WDR11: variants seen among roughly 807,000 people sequenced by gnomAD.
The protein encoded by WDR11 is WD repeat domain 11.
WDR11 carries 83 observed loss-of-function variants against 151.2 expected under a neutral mutation model. The observed-to-expected ratio is 0.55, with a 90% CI of 0.46 to 0.66. The LOEUF (loss-of-function observed/expected upper bound fraction) is 0.66. Among genes scored for constraint, WDR11 ranks in the 30% least tolerant of loss-of-function variants. The pLI is 0.00. For missense variants in WDR11, 1,301 were observed against 1,480.9 expected (o/e 0.88, Z 1.99); for synonymous variants, 484 against 533.1 (o/e 0.91, Z 1.27).
In WDR11 at chr10:120,908,094, T is replaced by TA. The variant is rs199852134; in HGVS notation, c.3518-453dup. 1.4e-3 allele frequency: 257 copies of TA among 180,770 alleles called. 3 individuals are homozygous for TA. The highest frequency in any genetic ancestry group is 5.0e-3 in the African/African-American group (208 of 41,568). 11.2% of individuals were successfully genotyped at this position (180,770 alleles called of 1,614,324 possible). A position where few individuals can be genotyped will look rare whatever the true frequency, so the allele number is the denominator to read the frequency against. Reference sequence around the variant, plus strand: ...GGCTGTTTAAAAAAATAAAAATAAATAAAAAAAAACCAATAGGACAGGGCT... The same window carrying TA: ...GGCTGTTTAAAAAAATAAAAATAAATAAAAAAAAAACCAATAGGACAGGGCT... On this transcript the variant is annotated intron_variant, in intron 28 of 28. Transcript: ENST00000263461.
At chr10:120,865,902 C>G (rs1846295330) in intron 7 of WDR11, among the ~76,000 whole-genome samples, 158 bp downstream of exon 7, 1 of 151,930 alleles carries the variant, frequency 6.6e-6, no homozygotes, top group Non-Finnish European at 1.5e-5. Context: ...AGTATAAGCC[C>G]AAGATTAATC....
chr10:120,860,343 A>G, intron 4 of WDR11, 61 bp downstream of exon 4: 7 of 1,556,328 alleles, frequency 4.5e-6, no homozygotes, highest in South Asian at 3.4e-5. Context: ...TAGTAATGCT[A>G]TGTGCATGAG....
Position 120,908,649 on chromosome 10 carries a change from G to C in WDR11, c.3611G>C (p.Gly1204Ala). ...QGAVLFASKA[G>A]AAGKDLLNEL... ...GCAGTTCTCTTTGCTTCAAAAGCCGGAGCAGCTGGCAAAGACTTATTGAAT... is the reference window on the plus strand; with the variant it reads ...GCAGTTCTCTTTGCTTCAAAAGCCGCAGCAGCTGGCAAAGACTTATTGAAT... Residue 1204 changes from glycine (G) to alanine (A), a missense_variant, in exon 29 of 29, where the codon GGA becomes GCA. Physicochemically the swap from Gly to Ala is moderately conservative, Grantham distance 60 (BLOSUM62 0). Transcript: ENST00000263461. The C allele has an allele frequency of 6.2e-7, 1 of 1,614,196 alleles. No individual in the cohort carries two copies.
At chr10:120,855,886 C>A (rs539509448) in intron 2 of WDR11, among the ~76,000 whole-genome samples, 1 of 152,288 alleles carries the variant, frequency 6.6e-6, no homozygotes, top group Admixed American at 6.5e-5. Context: ...ACCTCTACTA[C>A]AATGAATGGG....
intron 2 of WDR11, among the ~76,000 whole-genome samples, chr10:120,855,370 ATTGT>A (rs1446266272): frequency 6.6e-6 from 1 of 152,128 alleles, no homozygotes; most frequent in East Asian, 1.9e-4. Flanking sequence ...TAATTTATGA[ATTGT>A]TTATTTTTAG....
chr10:120,868,324 T>G (rs1339283481), intron 9 of WDR11, among the ~76,000 whole-genome samples: 1 of 151,984 alleles, frequency 6.6e-6, no homozygotes, highest in African/African-American at 2.4e-5. Context: ...TGCAGTGGCA[T>G]GTGCTTGTGG....
At chr10:120,905,529 A>G in intron 26 of WDR11, 113 bp downstream of exon 26, 2 of 1,096,724 alleles carry the variant, frequency 1.8e-6, no homozygotes, top group East Asian at 4.8e-5. Context: ...GCTGCTTTGC[A>G]AATACTGTCT....
At chr10:120,876,071 C>T (rs1424806981) in intron 11 of WDR11, among the ~76,000 whole-genome samples, 3 of 150,460 alleles carry the variant, frequency 2.0e-5, no homozygotes, top group Middle Eastern at 3.4e-3. Context: ...CTCTGTCTCC[C>T]GGGTTCAAGC....
chr10:120,878,558 T>A, intron 12 of WDR11, 99 bp downstream of exon 12: 1 of 957,070 alleles, frequency 1.0e-6, no homozygotes, highest in Non-Finnish European at 1.6e-6. Flanking sequence ...TGGAATTTTT[T>A]TTTATATTTC....
At chr10:120,868,617 T>C (rs977545678) in intron 9 of WDR11, 1 of 152,246 alleles carries the variant, frequency 6.6e-6, no homozygotes, top group African/African-American at 2.4e-5. Context: ...ATATGAGAAC[T>C]GAGGCCCAGA....
chr10:120,867,749 AGCACAGTAC>A (rs1192809706), intron 9 of WDR11, among the ~76,000 whole-genome samples: 1 of 152,216 alleles, frequency 6.6e-6, no homozygotes, highest in African/African-American at 2.4e-5. Context: ...CCCAGCACTC[AGCACAGTAC>A]CTTGTGCATG....
At chr10:120,860,347 G>T (rs1590058354) in intron 4 of WDR11, 65 bp downstream of exon 4, 1 of 1,538,814 alleles carries the variant, frequency 6.5e-7, no homozygotes, top group East Asian at 2.3e-5. Flanking sequence ...AATGCTATGT[G>T]CATGAGATAT....
chr10:120,858,171 A>G (rs1319941356), intron 2 of WDR11, among the ~76,000 whole-genome samples: 3 of 152,072 alleles, frequency 2.0e-5, no homozygotes, highest in African/African-American at 7.2e-5. Flanking sequence ...TGTTTTGTGA[A>G]AGAGAGAGAC....
At chr10:120,879,756 G>A (rs1336846613) in intron 12 of WDR11, 1 of 152,134 alleles carries the variant, frequency 6.6e-6, no homozygotes, top group East Asian at 1.9e-4. Context: ...AGTGAGTATA[G>A]TGAGATTCCA....
In WDR11 at chr10:120,888,955, G is replaced by A. The variant is rs1232682340; in HGVS notation, c.2122-123G>A. 6.9e-6 allele frequency: 5 copies of A among 729,356 alleles called. No homozygotes were observed. The East Asian group carries it at 1.4e-4, about 20-fold the overall frequency. 45.2% of individuals were successfully genotyped at this position (729,356 alleles called of 1,614,324 possible). On this transcript the variant is annotated intron_variant, in intron 16 of 28. Transcript: ENST00000263461. Reference sequence around the variant, plus strand: ...TTGTTAGTGTCTAAAGTCTGTTTTAGGATTTGATGACTAAAAGCATACTAA... The same window carrying A: ...TTGTTAGTGTCTAAAGTCTGTTTTAAGATTTGATGACTAAAAGCATACTAA...
rs1281842502 is a variant in WDR11, at chr10:120,903,134, G to C, written c.2833G>C (p.Ala945Pro). 5.6e-6 allele frequency: 9 copies of C among 1,614,070 alleles called. No individual in the cohort carries two copies. The highest frequency in any genetic ancestry group is 7.6e-6 in the Non-Finnish European group (9 of 1,180,038). The change falls in exon 23 of 29, where the codon GCC becomes CCC. Residue 945 changes from alanine to proline, a missense_variant. Ala to Pro is a conservative substitution (Grantham distance 27, BLOSUM62 -1). Coordinates refer to ENST00000263461, the MANE Select transcript of WDR11 (RefSeq NM_018117.12). ...GCACAGCTTATCCCAGGAAAAGTCA[G>C]CCAGCACAACAGCTCCTAAAGAAGC... ...YLHSLSQEKS[A>P]STTAPKEAAP... is the part of the protein sequence containing the mutation.
At chr10:120,871,854 T>C (rs916398035) in intron 10 of WDR11, among the ~76,000 whole-genome samples, 9 of 152,242 alleles carry the variant, frequency 5.9e-5, no homozygotes, top group African/African-American at 1.9e-4. Context: ...ATTGTGTATT[T>C]GTATGTTATA....
At chr10:120,855,235 C>T (rs1044670861) in intron 2 of WDR11, among the ~76,000 whole-genome samples, 2 of 152,086 alleles carry the variant, frequency 1.3e-5, no homozygotes, top group Non-Finnish European at 2.9e-5. Flanking sequence ...ATCTGATAAT[C>T]AGTATGGCTA....
chr10:120,878,264 A>G, intron 11 of WDR11, 89 bp from the exon 12 acceptor site: 1 of 964,546 alleles, frequency 1.0e-6, no homozygotes. Context: ...AATAAAATTT[A>G]GGTCTTTGGA....
Sources: gnomAD v4.1 joint callset for allele counts (sites outside exome capture counted in the v4.1 genomes callset) on GRCh38, gnomAD v4.1.1 for gene constraint, MANE v1.5 for transcripts, NCBI Gene and HGNC (gene_info 2026-07-23, HGNC 2026-07-21) for gene names.